TBC1D22B: variants seen among roughly 807,000 people sequenced by gnomAD.
The protein encoded by TBC1D22B is chromosome 6 open reading frame 197.
In TBC1D22B, 32 loss-of-function variants were observed where a neutral mutation model predicts 69.1. The ratio of observed to expected loss-of-function variants is 0.46; its 90% CI spans 0.35 to 0.62. The LOEUF is 0.62. Among genes scored for constraint, TBC1D22B ranks in the 20% least tolerant of loss-of-function variants. TBC1D22B has a pLI of 0.00. For synonymous variants in TBC1D22B, 206 were observed against 229.8 expected, an observed-to-expected ratio of 0.90 and a Z score of 0.94; for missense variants, 462 against 630.9, an observed-to-expected ratio of 0.73 and a Z score of 2.87.
chr6:37,294,480 A>G (rs564061847), intron 8 of TBC1D22B, among the ~76,000 whole-genome samples: 1 of 152,292 alleles, frequency 6.6e-6, no homozygotes, highest in Admixed American at 6.5e-5. Context: ...CCAGCCTGCC[A>G]TCTAGGACTT....
chr6:37,275,201 T>C (rs1020395219), intron 2 of TBC1D22B, among the ~76,000 whole-genome samples: 1 of 152,192 alleles, frequency 6.6e-6, no homozygotes, highest in Non-Finnish European at 1.5e-5. Flanking sequence ...GGATTAACTT[T>C]TTGCTGCAAC....
In TBC1D22B at chr6:37,313,895, G is replaced by C. The variant is rs540142215; in HGVS notation, c.1165+4G>C. On this transcript the variant is annotated splice_donor_region_variant and intron_variant, in intron 10 of 12. Coordinates refer to ENST00000373491, the MANE Select transcript of TBC1D22B (RefSeq NM_017772.4). ...GAGCTTGTCAGCCGGATTGATGGTA[G>C]GTTCAGAGGGAGAAGAGTTCTCTAG... 1.2e-6 allele frequency: 2 copies of C among 1,613,924 alleles called. No homozygotes were observed. The highest frequency in any genetic ancestry group is 2.2e-5 in the South Asian group (2 of 91,082).
At chr6:37,319,190 G>A (rs942891856) in intron 12 of TBC1D22B, among the ~76,000 whole-genome samples, 2 of 152,244 alleles carry the variant, frequency 1.3e-5, no homozygotes, top group African/African-American at 4.8e-5. Flanking sequence ...GCTAGCCATG[G>A]TGCCGAGGCT....
rs1766523469 is a variant in TBC1D22B, at chr6:37,272,525, CTACAGGCATGGGCCA to C, written c.113+2876_113+2890del. Reference sequence around the variant, plus strand: ...CAACTTCACCCCACAGTGGCTGGGACTACAGGCATGGGCCACCATGCCTGGCTAATTTTTGTATTT... The same window carrying C: ...CAACTTCACCCCACAGTGGCTGGGACCCATGCCTGGCTAATTTTTGTATTT... On this transcript the variant is annotated intron_variant, in intron 2 of 12. Transcript: ENST00000373491. Among the ~76,000 whole-genome samples, 18 of 152,168 alleles carry C rather than the reference CTACAGGCATGGGCCA, an allele frequency of 1.2e-4. No homozygotes were observed. The South Asian group carries it at 3.7e-3, about 32-fold the overall frequency.
chr6:37,284,604 G>A, intron 6 of TBC1D22B, 140 bp downstream of exon 6: 2 of 986,964 alleles, frequency 2.0e-6, no homozygotes, highest in Non-Finnish European at 2.8e-6. Flanking sequence ...CCTCAAAACT[G>A]TTTCCCCTCT....
intron 12 of TBC1D22B, among the ~76,000 whole-genome samples, chr6:37,320,821 A>G (rs1768217328): frequency 6.6e-6 from 1 of 152,218 alleles, no homozygotes. Context: ...GCACATTTGC[A>G]CATAGTACTC....
chr6:37,318,987 T>C (rs931985274), intron 12 of TBC1D22B, among the ~76,000 whole-genome samples: 1 of 152,222 alleles, frequency 6.6e-6, no homozygotes, highest in Non-Finnish European at 1.5e-5. Flanking sequence ...AAGTTCTAAC[T>C]AATAACATAG....
rs1305215871 is a variant in TBC1D22B at position 37,331,857 on chromosome 6, C to G, written c.*685C>G. On this transcript the variant is annotated 3_prime_UTR_variant, in exon 13 of 13. Transcript: ENST00000373491. ...CTGAATTTCTGTGTCCAGACGAGCCCCATCAAACTAGTTGGGAAGGGCCCC... is the reference window on the plus strand; with the variant it reads ...CTGAATTTCTGTGTCCAGACGAGCCGCATCAAACTAGTTGGGAAGGGCCCC... 1 of 152,572 alleles carries G rather than the reference C, an allele frequency of 6.6e-6. No individual in the cohort carries two copies. Among genetic ancestry groups the G allele is most frequent in the Non-Finnish European group, 1.5e-5 (1 of 68,062 alleles). The allele number at this position is 152,572 out of a possible 1,614,324, so 9.5% of individuals were successfully genotyped here.
chr6:37,282,293 C>A lies in TBC1D22B; in HGVS notation c.530C>A (p.Pro177Gln), dbSNP rs1346985016. 1.9e-6 allele frequency: 3 copies of A among 1,614,144 alleles called. No homozygotes were observed. Among genetic ancestry groups the A allele is most frequent in the Non-Finnish European group, 1.7e-6 (2 of 1,180,008 alleles). Reference protein sequence around the residue: ...ISDQNASGAPPMTVREKTRLE... With the variant: ...ISDQNASGAPQMTVREKTRLE... ...GATCAGAACGCTTCTGGGGCCCCCC[C>A]AATGACTGTCCGGGAGAAAACCCGC... Residue 177 changes from proline (P) to glutamine (Q), a missense_variant, in exon 4 of 13, where the codon CCA (proline) becomes CAA (glutamine). Physicochemically the swap from Pro to Gln is moderately conservative, Grantham distance 76 (BLOSUM62 -1). Transcript: ENST00000373491.
intron 2 of TBC1D22B, among the ~76,000 whole-genome samples, chr6:37,275,202 T>C (rs1459056851): frequency 6.6e-6 from 1 of 152,220 alleles, no homozygotes; most frequent in Non-Finnish European, 1.5e-5. Flanking sequence ...GATTAACTTT[T>C]TGCTGCAACT....
At chr6:37,327,631 A>G (rs1347051117) in intron 12 of TBC1D22B, among the ~76,000 whole-genome samples, 1 of 152,216 alleles carries the variant, frequency 6.6e-6, no homozygotes, top group Non-Finnish European at 1.5e-5. Context: ...GAATATTCCA[A>G]AGATGTTCCG....
At chr6:37,287,193 C>T in intron 7 of TBC1D22B, 121 bp downstream of exon 7, 1 of 697,270 alleles carries the variant, frequency 1.4e-6, no homozygotes, top group Non-Finnish European at 2.3e-6. Flanking sequence ...TTGGTTCCTT[C>T]AGAGCATGGT....
At chr6:37,297,618 C>T (rs1424816523) in intron 8 of TBC1D22B, among the ~76,000 whole-genome samples, 1 of 152,062 alleles carries the variant, frequency 6.6e-6, no homozygotes, top group Non-Finnish European at 1.5e-5. Flanking sequence ...AATGGCTTCA[C>T]CTATTATATT....
intron 8 of TBC1D22B, among the ~76,000 whole-genome samples, chr6:37,308,032 C>G (rs977393789): frequency 3.9e-5 from 6 of 152,232 alleles, no homozygotes; most frequent in African/African-American, 1.4e-4. Context: ...AGCCATCACT[C>G]AAGTACATTT....
At chr6:37,305,100 C>A (rs574701287) in intron 8 of TBC1D22B, among the ~76,000 whole-genome samples, 79 of 152,016 alleles carry the variant, frequency 5.2e-4, no homozygotes, top group African/African-American at 1.9e-3. Context: ...GTTGTCTTGT[C>A]TTGCTCCTGG....
chr6:37,330,498 A>G (rs769013348), intron 12 of TBC1D22B, among the ~76,000 whole-genome samples: 2 of 151,872 alleles, frequency 1.3e-5, no homozygotes, highest in Non-Finnish European at 2.9e-5. Context: ...CAGCCTCCCA[A>G]AGTGTGGGAT....
chr6:37,303,194 G>T (rs1767617281), intron 8 of TBC1D22B, among the ~76,000 whole-genome samples: 1 of 152,176 alleles, frequency 6.6e-6, no homozygotes, highest in Admixed American at 6.5e-5. Context: ...ACACTTAGGG[G>T]TCCTGTCACC....
chr6:37,317,589 A>G (rs558858298), intron 12 of TBC1D22B, among the ~76,000 whole-genome samples: 4 of 152,336 alleles, frequency 2.6e-5, no homozygotes, highest in South Asian at 2.1e-4. Flanking sequence ...AGTTGTGGGG[A>G]GACATACAGT....
At chr6:37,292,301 G>A (rs1403358749) in intron 8 of TBC1D22B, among the ~76,000 whole-genome samples, 1 of 152,144 alleles carries the variant, frequency 6.6e-6, no homozygotes, top group Non-Finnish European at 1.5e-5. Context: ...TGAGAAATGG[G>A]TGAGAGTGGA....
Sources: gnomAD v4.1 joint callset for allele counts (sites outside exome capture counted in the v4.1 genomes callset) on GRCh38, gnomAD v4.1.1 for gene constraint, MANE v1.5 for transcripts, NCBI Gene and HGNC (gene_info 2026-07-23, HGNC 2026-07-21) for gene names.